Variants in SASS6 observed in about 807,000 individuals in gnomAD.
The protein encoded by SASS6 is spindle assembly abnormal protein 6 homolog.
A neutral mutation model predicts 94.9 loss-of-function variants in SASS6; 59 were observed. That is an observed-to-expected ratio of 0.62 (90% CI 0.50 to 0.77). The LOEUF (loss-of-function observed/expected upper bound fraction) is 0.77, where lower values mean the gene tolerates loss of function less well. Among genes scored for constraint, SASS6 ranks in the 30% least tolerant of loss-of-function variants. The pLI is 0.00. For synonymous variants in SASS6, 264 were observed against 270.0 expected (o/e 0.98, Z 0.22); for missense variants, 698 against 734.1 (o/e 0.95, Z 0.57).
intron 1 of SASS6, 111 bp downstream of exon 1, chr1:100,132,639 G>A: frequency 2.2e-6 from 2 of 905,102 alleles, no homozygotes; most frequent in Non-Finnish European, 3.6e-6. Context: ...TCCTAGGGGG[G>A]CCGACTCGAC....
At chr1:100,092,523 C>T (rs538940237) in intron 14 of SASS6, among the ~76,000 whole-genome samples, 2 of 152,226 alleles carry the variant, frequency 1.3e-5, no homozygotes, top group East Asian at 3.9e-4. Flanking sequence ...AAATGGTAAA[C>T]ACTGGGTAAT....
At position 100,085,439 on chromosome 1, in the gene SASS6, A is replaced by G. The variant is rs566929507; in HGVS notation, c.1868-5T>C. ...AAGTGCCATCTCTCTGATGGTCTGCAAATGAGGACAAAAAAAGGTTACTGG... is the reference window on the plus strand; with the variant it reads ...AAGTGCCATCTCTCTGATGGTCTGCGAATGAGGACAAAAAAAGGTTACTGG... On this transcript the variant is annotated splice_region_variant and splice_polypyrimidine_tract_variant and intron_variant, in intron 16 of 16. Transcript: ENST00000287482. 5 of 1,597,802 alleles carry G rather than the reference A, an allele frequency of 3.1e-6. 1 individual carries two copies. In the South Asian group the frequency reaches 5.5e-5, roughly 18 times the overall value.
chr1:100,118,922 T>G, intron 7 of SASS6, 96 bp downstream of exon 7: 1 of 820,192 alleles, frequency 1.2e-6, no homozygotes, highest in South Asian at 3.0e-5. Flanking sequence ...TCTGTAACGT[T>G]TGGAAAATTT....
intron 14 of SASS6, among the ~76,000 whole-genome samples, chr1:100,101,416 G>GT (rs1235951867): frequency 1.3e-5 from 2 of 151,154 alleles, no homozygotes; most frequent in African/African-American, 4.9e-5. Flanking sequence ...TCTTGCTCCT[G>GT]TATTTAAGAA....
Position 100,120,864 on chromosome 1 carries a change from A to C in SASS6, c.484-405T>G, listed in dbSNP as rs1156643601. 9.2e-5 allele frequency among the ~76,000 whole-genome samples: 14 copies of C among 151,626 alleles called. No individual in the cohort carries two copies. In the East Asian group the frequency reaches 2.3e-3, roughly 25 times the overall value. On this transcript the variant is annotated intron_variant, in intron 5 of 16. Transcript: ENST00000287482. ...AGGAGATTGAGACCATCCTGGCTAA[A>C]ACGGTGAAACCCCGTCTCTACTAAA...
intron 1 of SASS6, among the ~76,000 whole-genome samples, chr1:100,131,446 A>G (rs1457430647): frequency 1.3e-5 from 2 of 152,156 alleles, no homozygotes; most frequent in Admixed American, 6.5e-5. Context: ...AACCCAATAT[A>G]CCCAAAAATA....
intron 1 of SASS6, among the ~76,000 whole-genome samples, chr1:100,127,580 T>C (rs1227914698): frequency 6.6e-6 from 1 of 152,210 alleles, no homozygotes; most frequent in Non-Finnish European, 1.5e-5. Context: ...AGCACTGGTT[T>C]ACACCAGAGA....
chr1:100,084,460 T>C lies in SASS6; in HGVS notation c.*868A>G, dbSNP rs1651082177. On this transcript the variant is annotated 3_prime_UTR_variant, in exon 17 of 17. Coordinates refer to ENST00000287482, the MANE Select transcript of SASS6 (RefSeq NM_194292.3). The stretch of plus-strand genomic sequence containing the variant: ...AGAAGAAAATTGTACCTTCTAACAG[T>C]TATTTGTTTTGCCTAGTTTATTAAC... 1 of 152,112 alleles carries C rather than the reference T, an allele frequency of 6.6e-6. No homozygotes were observed. Among genetic ancestry groups the C allele is most frequent in the African/African-American group, 2.4e-5 (1 of 41,444 alleles). The allele number at this position is 152,112 out of a possible 1,614,324, so 9.4% of individuals were successfully genotyped here.
rs144074407 is a variant in SASS6 at position 100,085,582 on chromosome 1, A to C, written c.1821T>G (p.Asp607Glu). ...GGCTGAGTCCGCGTAAAGGAATGCT[A>C]TCTTCCCTTTTCTTCAGGTATTTGG... ...LESKYLKKRE[D>E]SIPLRGLSQN... Residue 607 changes from aspartate (D) to glutamate (E), a missense_variant, in exon 16 of 17, where the codon GAT (aspartate) becomes GAG (glutamate). Transcript: ENST00000287482. 4 of 1,613,262 alleles carry C rather than the reference A, an allele frequency of 2.5e-6. No homozygotes were observed. The Admixed American group carries it at 6.7e-5, about 27-fold the overall frequency.
rs752383297 is a variant in SASS6 at position 100,102,954 on chromosome 1, C to T, written c.1674+1G>A. 6.2e-7 allele frequency: 1 copy of T among 1,607,598 alleles called. No individual in the cohort carries two copies. Among genetic ancestry groups the T allele is most frequent in the Non-Finnish European group, 8.5e-7 (1 of 1,177,124 alleles). On this transcript the variant is annotated splice_donor_variant, in intron 14 of 16. Coordinates refer to ENST00000287482, the MANE Select transcript of SASS6 (RefSeq NM_194292.3). LOFTEE classifies it high-confidence loss of function. ...GAACAAGTATTAGTTAATTTGGCTA[C>T]CTTTGTTCCTGAACCAGGGTGGCTG...
Position 100,085,720 on chromosome 1 carries a change from G to A in SASS6, c.1773-90C>T, listed in dbSNP as rs1375492232. The stretch of plus-strand genomic sequence containing the variant: ...TATGTATACATATATATAAGATAAT[G>A]TAACTAAGTTCTATTTATAGCTTAG... On this transcript the variant is annotated intron_variant, in intron 15 of 16. Coordinates refer to ENST00000287482, the MANE Select transcript of SASS6 (RefSeq NM_194292.3). 2.9e-5 allele frequency: 21 copies of A among 717,416 alleles called. No homozygotes were observed. In the East Asian group the frequency reaches 5.4e-4, roughly 19 times the overall value. The allele number at this position is 717,416 out of a possible 1,614,324, so 44.4% of individuals were successfully genotyped here.
chr1:100,121,554 GA>G lies in SASS6; in HGVS notation c.312-6del. ...GAAACTAACTGTAGCAAAAACCTTT[GA>G]AAAGAAAATGTTACATTATAACACA... On this transcript the variant is annotated splice_region_variant and splice_polypyrimidine_tract_variant and intron_variant, in intron 4 of 16. Transcript: ENST00000287482. 1 of 1,538,216 alleles carries G rather than the reference GA, an allele frequency of 6.5e-7. No individual in the cohort carries two copies. The highest frequency in any genetic ancestry group is 8.9e-7 in the Non-Finnish European group (1 of 1,122,782).
chr1:100,106,748 G>T (rs1189315215), intron 12 of SASS6, among the ~76,000 whole-genome samples, 164 bp downstream of exon 12: 1 of 152,102 alleles, frequency 6.6e-6, no homozygotes, highest in Admixed American at 6.5e-5. Context: ...CAGCTACTTG[G>T]GGGGCTGAGG....
Position 100,123,067 on chromosome 1 carries a change from TAAGTA to T in SASS6, c.206+138_206+142del, listed in dbSNP as rs1270640064. On this transcript the variant is annotated intron_variant, in intron 3 of 16. Transcript: ENST00000287482. ...AAAATATTTATTTTCCAAAACACCC[TAAGTA>T]AAGATAGTACAAATAGCCCAATATT... 6.6e-6 allele frequency: 3 copies of T among 454,596 alleles called. No homozygotes were observed. In the East Asian group the frequency reaches 1.2e-4, roughly 18 times the overall value. The allele number at this position is 454,596 out of a possible 1,614,324, so 28.2% of individuals were successfully genotyped here.
chr1:100,126,926 T>C (rs1557896715), intron 1 of SASS6, among the ~76,000 whole-genome samples: 1 of 152,254 alleles, frequency 6.6e-6, no homozygotes, highest in Non-Finnish European at 1.5e-5. Context: ...ATATATTCTT[T>C]ATGTAATAAA....
chr1:100,088,758 C>T (rs1327073610), intron 14 of SASS6, among the ~76,000 whole-genome samples: 2 of 151,654 alleles, frequency 1.3e-5, no homozygotes, highest in Non-Finnish European at 2.9e-5. Flanking sequence ...TCACTTAAGC[C>T]CTGGAGTTTG....
chr1:100,116,455 C>T (rs920000996), intron 7 of SASS6, among the ~76,000 whole-genome samples: 8 of 152,192 alleles, frequency 5.3e-5, no homozygotes, highest in Non-Finnish European at 1.0e-4. Context: ...TACCTACCTA[C>T]TTTGGGAAAC....
At chr1:100,108,034 T>A (rs1204497004) in intron 8 of SASS6, 30 bp from the exon 9 acceptor site, 4 of 1,434,648 alleles carry the variant, frequency 2.8e-6, no homozygotes, top group Admixed American at 2.1e-5. Flanking sequence ...AAATTAAGCA[T>A]TATGAAAAAA....
intron 14 of SASS6, among the ~76,000 whole-genome samples, chr1:100,100,690 C>A (rs1652412013): frequency 6.6e-6 from 1 of 152,172 alleles, no homozygotes; most frequent in Admixed American, 6.5e-5. Flanking sequence ...TCAATCTTGA[C>A]AGTAACATTT....
Sources: allele counts gnomAD v4.1 joint callset (sites outside exome capture counted in the v4.1 genomes callset), GRCh38; gene constraint gnomAD v4.1.1; transcripts MANE v1.5; gene names NCBI Gene and HGNC (gene_info 2026-07-23, HGNC 2026-07-21).